MAMDC2: variants seen among roughly 807,000 people sequenced by gnomAD.
The protein encoded by MAMDC2 is MAM domain-containing protein 2.
MAMDC2 carries 57 observed loss-of-function variants against 89.8 expected under a neutral mutation model. The ratio of observed to expected loss-of-function variants is 0.63; its 90% CI spans 0.51 to 0.79. The LOEUF (loss-of-function observed/expected upper bound fraction) is 0.79. Ranked by LOEUF, MAMDC2 falls within the 30% of genes least tolerant of loss-of-function variation. The pLI, the probability that MAMDC2 is intolerant of heterozygous loss-of-function variation, is 0.00. For missense variants in MAMDC2, 800 were observed against 820.6 expected (o/e 0.97, Z 0.31); for synonymous variants, 313 against 293.4 (o/e 1.07, Z -0.68).
chr9:70,203,405 G>GA (rs1413084923), intron 11 of MAMDC2, among the ~76,000 whole-genome samples: 1 of 127,578 alleles, frequency 7.8e-6, no homozygotes, highest in Non-Finnish European at 1.7e-5. Context: ...CTGGCTTGTA[G>GA]GGTTTCTGCC....
intron 11 of MAMDC2, among the ~76,000 whole-genome samples, chr9:70,175,524 T>TGTTA (rs2032472072): frequency 6.6e-6 from 1 of 151,822 alleles, no homozygotes; most frequent in Non-Finnish European, 1.5e-5. Flanking sequence ...TATTCCTTGT[T>TGTTA]AATCTCTTAC....
rs144399839 is a variant in MAMDC2 at position 70,189,604 on chromosome 9, T to A, written c.1651+18973T>A. ...GTTGAAGTTCTTTGACTTTCTTGAA[T>A]GTATAGACTTATATTTTTAAAAATC... On this transcript the variant is annotated intron_variant, in intron 11 of 13. Transcript: ENST00000377182. Among the ~76,000 whole-genome samples, 1,395 of 152,256 alleles carry A rather than the reference T, an allele frequency of 9.2e-3. 7 individuals carry two copies. Among genetic ancestry groups the A allele is most frequent in the Non-Finnish European group, 0.011 (772 of 68,018 alleles).
chr9:70,197,122 A>G (rs2032987853), intron 11 of MAMDC2, among the ~76,000 whole-genome samples: 1 of 152,068 alleles, frequency 6.6e-6, no homozygotes, highest in Non-Finnish European at 1.5e-5. Flanking sequence ...ACCATCACTG[A>G]ATTTGTCACT....
chr9:70,067,342 A>G (rs1032327617), intron 2 of MAMDC2, among the ~76,000 whole-genome samples: 1 of 152,146 alleles, frequency 6.6e-6, no homozygotes, highest in African/African-American at 2.4e-5. Flanking sequence ...GCAGCACAGC[A>G]TCTCCACATC....
In MAMDC2 at chr9:70,062,324, CCCT is replaced by C. The variant is rs373014719; in HGVS notation, c.148+17629_148+17631del. Among the ~76,000 whole-genome samples, 1,441 of 152,110 alleles carry C rather than the reference CCCT, an allele frequency of 9.5e-3. 22 individuals are homozygous for C. Among genetic ancestry groups the C allele is most frequent in the African/African-American group, 0.033 (1,362 of 41,468 alleles). ...TCTATGTCTCCTCTACCATTCCCAG[CCCT>C]CTACCAGGGCAATAGGAGCTCAGTA... On this transcript the variant is annotated intron_variant, in intron 2 of 13. Transcript: ENST00000377182.
chr9:70,159,047 T>TACACAC (rs755304556), intron 9 of MAMDC2, among the ~76,000 whole-genome samples: 10,649 of 145,062 alleles, frequency 0.073, 466 homozygotes, highest in South Asian at 0.16. Flanking sequence ...GCATGCATAA[T>TACACAC]ACACACACAC....
intron 2 of MAMDC2, among the ~76,000 whole-genome samples, chr9:70,069,230 CTTG>C (rs1201500071): frequency 2.0e-5 from 3 of 152,156 alleles, no homozygotes; most frequent in Non-Finnish European, 2.9e-5. Flanking sequence ...AGTTATTATT[CTTG>C]TTGTTCCTGT....
intron 9 of MAMDC2, among the ~76,000 whole-genome samples, chr9:70,165,457 G>C (rs2032141999): frequency 6.6e-6 from 1 of 152,212 alleles, no homozygotes; most frequent in African/African-American, 2.4e-5. Flanking sequence ...CAACTGCCAA[G>C]CAAATTTGGG....
chr9:70,109,716 G>T lies in MAMDC2; in HGVS notation c.421-4G>T. 1 of 1,610,334 alleles carries T rather than the reference G, an allele frequency of 6.2e-7. No individual in the cohort carries two copies. The highest frequency in any genetic ancestry group is 8.5e-7 in the Non-Finnish European group (1 of 1,176,786). On this transcript the variant is annotated splice_polypyrimidine_tract_variant and splice_region_variant and intron_variant, in intron 3 of 13. Transcript: ENST00000377182. ...ACTCCCCTTCTTCCCCATATGTTGTGCAGATTTTAATAGAAGGTGTACTAG... is the reference window on the plus strand; with the variant it reads ...ACTCCCCTTCTTCCCCATATGTTGTTCAGATTTTAATAGAAGGTGTACTAG...
intron 11 of MAMDC2, among the ~76,000 whole-genome samples, chr9:70,183,842 A>C (rs1368033572): frequency 6.6e-6 from 1 of 152,146 alleles, no homozygotes; most frequent in Non-Finnish European, 1.5e-5. Flanking sequence ...TAGCCCGTTT[A>C]CATTTAAGAT....
At chr9:70,164,760 C>T (rs1192327018) in intron 9 of MAMDC2, among the ~76,000 whole-genome samples, 2 of 151,624 alleles carry the variant, frequency 1.3e-5, no homozygotes, top group Admixed American at 6.6e-5. Flanking sequence ...GAGAGCTTCC[C>T]GCCTCAGCCT....
At chr9:70,187,860 T>C (rs2032791419) in intron 11 of MAMDC2, among the ~76,000 whole-genome samples, 1 of 152,196 alleles carries the variant, frequency 6.6e-6, no homozygotes, top group Admixed American at 6.5e-5. Context: ...TGAACAACTT[T>C]TTCTGTGGAC....
intron 2 of MAMDC2, among the ~76,000 whole-genome samples, chr9:70,066,371 C>T (rs1388629214): frequency 6.6e-6 from 1 of 152,132 alleles, no homozygotes; most frequent in Non-Finnish European, 1.5e-5. Context: ...CAAGAGGTAG[C>T]CAGGCCAGAG....
chr9:70,226,778 T>A lies in MAMDC2; in HGVS notation c.*746T>A, dbSNP rs1238491965. ...TGTTTATGTATACATACCCAGCAACTTTTATAAATGTGTTAAACAATTTTA... is the reference window on the plus strand; with the variant it reads ...TGTTTATGTATACATACCCAGCAACATTTATAAATGTGTTAAACAATTTTA... On this transcript the variant is annotated 3_prime_UTR_variant, in exon 14 of 14. Transcript: ENST00000377182. 6.6e-6 allele frequency: 1 copy of A among 152,184 alleles called. No homozygotes were observed. Among genetic ancestry groups the A allele is most frequent in the East Asian group, 1.9e-4 (1 of 5,190 alleles). 9.4% of individuals were successfully genotyped at this position (152,184 alleles called of 1,614,324 possible).
intron 8 of MAMDC2, among the ~76,000 whole-genome samples, chr9:70,142,164 G>T (rs1468110487): frequency 6.6e-6 from 1 of 152,164 alleles, no homozygotes; most frequent in African/African-American, 2.4e-5. Flanking sequence ...TTTGGGTTCA[G>T]GATTCAGGGA....
At position 70,218,168 on chromosome 9, in the gene MAMDC2, G is replaced by T. The variant is rs1399610218; in HGVS notation, c.1652-169G>T. ...AAATCATTTTGTTGGTCTCATTTTT[G>T]GAAGTTATTCATTCTCCTTAGATAA... On this transcript the variant is annotated intron_variant, in intron 11 of 13. Transcript: ENST00000377182. 4.7e-6 allele frequency: 3 copies of T among 632,918 alleles called. No individual in the cohort carries two copies. The African/African-American group carries it at 5.5e-5, about 12-fold the overall frequency. 39.2% of individuals were successfully genotyped at this position (632,918 alleles called of 1,614,324 possible). A position where few individuals can be genotyped will look rare whatever the true frequency, so the allele number is the denominator to read the frequency against.
Position 70,044,661 on chromosome 9 carries a change from G to T in MAMDC2, c.112G>T (p.Val38Leu). 1.3e-6 allele frequency: 2 copies of T among 1,551,728 alleles called. No individual in the cohort carries two copies. Among genetic ancestry groups the T allele is most frequent in the Non-Finnish European group, 1.7e-6 (2 of 1,147,016 alleles). The change falls in exon 2 of 14, where the codon GTG becomes TTG. Residue 38 changes from valine to leucine, a missense_variant. Transcript: ENST00000377182. ...AGAGAGCACTTGCGGCTTTGACTCCGTGTTGGCCTCTCTGCCGTGGATTTT... is the reference window on the plus strand; with the variant it reads ...AGAGAGCACTTGCGGCTTTGACTCCTTGTTGGCCTCTCTGCCGTGGATTTT... ...FEESTCGFDS[V>L]LASLPWILNE...
intron 2 of MAMDC2, among the ~76,000 whole-genome samples, chr9:70,079,585 G>GGT (rs1261734577): frequency 6.6e-6 from 1 of 152,134 alleles, no homozygotes; most frequent in Non-Finnish European, 1.5e-5. Flanking sequence ...TTTCTGGTCA[G>GGT]CCTCCATGAG....
intron 11 of MAMDC2, among the ~76,000 whole-genome samples, chr9:70,212,417 C>T (rs1193468683): frequency 6.6e-6 from 1 of 152,218 alleles, no homozygotes; most frequent in African/African-American, 2.4e-5. Flanking sequence ...GGGTTTGGGA[C>T]CCTCTGAGCC....
Sources: gnomAD v4.1 joint callset for allele counts (sites outside exome capture counted in the v4.1 genomes callset) on GRCh38, gnomAD v4.1.1 for gene constraint, MANE v1.5 for transcripts, NCBI Gene and HGNC (gene_info 2026-07-23, HGNC 2026-07-21) for gene names.